The following CRACR2A variants were observed in gnomAD, a reference collection of about 807,000 sequenced individuals.
CRACR2A encodes calcium release activated channel regulator 2A, also known as EF-hand calcium-binding domain-containing protein 4B.
In CRACR2A, 79 loss-of-function variants were observed where a neutral mutation model predicts 90.5. The observed-to-expected ratio is 0.87, with a 90% CI of 0.73 to 1.05. The LOEUF (loss-of-function observed/expected upper bound fraction) is 1.05. Ranked by LOEUF, CRACR2A falls within the 50% of genes least tolerant of loss-of-function variation. The pLI is 0.00. For synonymous variants in CRACR2A, 338 were observed against 356.7 expected (o/e 0.95, Z 0.59); for missense variants, 823 against 897.2 (o/e 0.92, Z 1.06).
At chr12:3,681,030 C>T (rs1008611988) in intron 4 of CRACR2A, among the ~76,000 whole-genome samples, 1 of 152,218 alleles carries the variant, frequency 6.6e-6, no homozygotes, top group African/African-American at 2.4e-5. Flanking sequence ...CCCTAAGCCC[C>T]CTTTCCTCTC....
At chr12:3,666,346 TGTGTGTGTGCGTGC>T (rs1291801396) in intron 7 of CRACR2A, among the ~76,000 whole-genome samples, 49 of 138,404 alleles carry the variant, frequency 3.5e-4, no homozygotes, top group Middle Eastern at 4.1e-3. Context: ...TGTGTGTGTG[TGTGTGTGTGCGTGC>T]GTGTGCGCGT....
At position 3,662,914 on chromosome 12, in the gene CRACR2A, G is replaced by A. The variant is rs139916194; in HGVS notation, c.672-3260C>T. ...ATGTTTGCTTATCATATACATCCTC[G>A]TTGCCACAATTTCTAAAACCACTTC... On this transcript the variant is annotated intron_variant, in intron 7 of 19. Transcript: ENST00000440314. Among the ~76,000 whole-genome samples the A allele has an allele frequency of 7.1e-3, 1,086 of 152,296 alleles. 7 individuals are homozygous for A. The highest frequency in any genetic ancestry group is 0.017 in the South Asian group (81 of 4,826).
chr12:3,750,354 A>G (rs1204008485), intron 1 of CRACR2A, among the ~76,000 whole-genome samples: 1 of 152,120 alleles, frequency 6.6e-6, no homozygotes, highest in Non-Finnish European at 1.5e-5. Flanking sequence ...TCTGCCACTC[A>G]CTAACAGCTG....
intron 7 of CRACR2A, among the ~76,000 whole-genome samples, chr12:3,661,665 G>C (rs2137512350): frequency 6.6e-6 from 1 of 152,286 alleles, no homozygotes; most frequent in East Asian, 1.9e-4. Context: ...ACAGTTTGAA[G>C]GAACTTTCAG....
chr12:3,626,265 G>T (rs1944257712), intron 17 of CRACR2A, among the ~76,000 whole-genome samples: 1 of 152,210 alleles, frequency 6.6e-6, no homozygotes, highest in Non-Finnish European at 1.5e-5. Flanking sequence ...ATGGATCTTA[G>T]GGCCAAAAGG....
At chr12:3,696,713 C>G in intron 4 of CRACR2A, 59 bp downstream of exon 4, 1 of 1,609,546 alleles carries the variant, frequency 6.2e-7, no homozygotes, top group African/African-American at 1.3e-5. Flanking sequence ...AAGCTCTAAC[C>G]CAAGACAGGA....
Position 3,746,430 on chromosome 12 carries a change from T to A in CRACR2A, c.-387+6585A>T, listed in dbSNP as rs1946627739. ...TTCCTCCACCCTCCCTCTCCCTTCT[T>A]CCTCTCCCATTCTCTCCCTCTCTGT... On this transcript the variant is annotated intron_variant, in intron 1 of 19. Coordinates refer to ENST00000440314, the MANE Select transcript of CRACR2A (RefSeq NM_001144958.2). This position sits in a 1 kb window ranked among gnomAD's most constrained non-coding sequence, Gnocchi z 4.4. 6.6e-6 allele frequency among the ~76,000 whole-genome samples: 1 copy of A among 151,172 alleles called. No individual in the cohort carries two copies. The highest frequency in any genetic ancestry group is 6.6e-5 in the Admixed American group (1 of 15,184).
At chr12:3,675,780 A>C (rs1259760545) in intron 6 of CRACR2A, among the ~76,000 whole-genome samples, 7 of 152,206 alleles carry the variant, frequency 4.6e-5, no homozygotes, top group Admixed American at 3.9e-4. Flanking sequence ...AAATTCCAGA[A>C]ACAGAAGATC....
intron 1 of CRACR2A, among the ~76,000 whole-genome samples, chr12:3,748,852 T>C (rs1043132726): frequency 1.3e-5 from 2 of 152,188 alleles, no homozygotes; most frequent in African/African-American, 4.8e-5. Context: ...GTCATCCGGA[T>C]GACGTCATGC....
chr12:3,640,178 C>G (rs1321130910), intron 13 of CRACR2A, among the ~76,000 whole-genome samples: 2 of 152,254 alleles, frequency 1.3e-5, no homozygotes, highest in Admixed American at 1.3e-4. Flanking sequence ...GTTTTACCAC[C>G]AAGTGCTCTC....
intron 1 of CRACR2A, among the ~76,000 whole-genome samples, chr12:3,734,002 G>A (rs374117351): frequency 2.9e-4 from 32 of 110,256 alleles, no homozygotes; most frequent in African/African-American, 9.8e-4. Context: ...ATGGAGTCTC[G>A]CTCTGTCGCC....
intron 12 of CRACR2A, 118 bp downstream of exon 12, chr12:3,644,477 T>C: frequency 9.2e-7 from 1 of 1,089,358 alleles, no homozygotes; most frequent in East Asian, 2.6e-5. Context: ...CATGCCGTCA[T>C]CCTGCCAAAT....
At chr12:3,643,917 T>TTA (rs1359937368) in intron 12 of CRACR2A, among the ~76,000 whole-genome samples, 178 of 110,908 alleles carry the variant, frequency 1.6e-3, no homozygotes, top group South Asian at 0.01. Context: ...TATATTTATA[T>TTA]TATATATATA....
intron 10 of CRACR2A, among the ~76,000 whole-genome samples, chr12:3,651,081 A>C (rs770823719): frequency 7.9e-5 from 12 of 152,252 alleles, no homozygotes; most frequent in Non-Finnish European, 1.5e-4. Flanking sequence ...TGAAAGGGAA[A>C]GAACCTGCGT....
Position 3,638,322 on chromosome 12 carries a change from G to A in CRACR2A, c.1404C>T (p.Leu468=). 6.4e-7 allele frequency: 1 copy of A among 1,551,232 alleles called. No homozygotes were observed. The highest frequency in any genetic ancestry group is 8.7e-7 in the Non-Finnish European group (1 of 1,146,600). Residue 468 remains leucine (L), a synonymous_variant, in exon 14 of 20, where the codon CTC becomes CTT. Transcript: ENST00000440314. ...CTTCTTCAACGGAGATGATTCTGCG[G>A]AGCGGCCGGGGGTACGGACCCCCAG... ...PGPGGPYPRP[L]RRIISVEEDP...
chr12:3,717,112 G>A (rs1292853673), intron 2 of CRACR2A, among the ~76,000 whole-genome samples: 1 of 152,114 alleles, frequency 6.6e-6, no homozygotes, highest in Non-Finnish European at 1.5e-5. Flanking sequence ...GGCTTAGAGA[G>A]TGAATAGGGT....
At position 3,711,177 on chromosome 12, in the gene CRACR2A, T is replaced by C. The variant is rs1355954383; in HGVS notation, c.-37+2060A>G. 6.6e-6 allele frequency among the ~76,000 whole-genome samples: 1 copy of C among 152,214 alleles called. No homozygotes were observed. Among genetic ancestry groups the C allele is most frequent in the African/African-American group, 2.4e-5 (1 of 41,448 alleles). ...AAATTCCTCACCAGCTGTGAACCTG[T>C]GAAATCAAACAAGTTAGGTGCTTCC... On this transcript the variant is annotated intron_variant, in intron 3 of 19. Transcript: ENST00000440314. The surrounding 1 kb of genome is among the most constrained non-coding windows in gnomAD (Gnocchi z 4.3).
At chr12:3,715,555 A>G (rs985008029) in intron 2 of CRACR2A, among the ~76,000 whole-genome samples, 4 of 152,236 alleles carry the variant, frequency 2.6e-5, no homozygotes, top group Non-Finnish European at 5.9e-5. Flanking sequence ...TACCAACCAG[A>G]TAGGTCATCA....
intron 3 of CRACR2A, among the ~76,000 whole-genome samples, chr12:3,710,563 G>C (rs1021216292): frequency 6.6e-6 from 1 of 152,068 alleles, no homozygotes; most frequent in Non-Finnish European, 1.5e-5. Flanking sequence ...GGGAGACCAA[G>C]GTGGGTGGAT....
Sources: gnomAD v4.1 joint callset for allele counts (sites outside exome capture counted in the v4.1 genomes callset) on GRCh38, gnomAD v4.1.1 for gene constraint, Gnocchi (gnomAD v3.1) non-coding constraint, MANE v1.5 for transcripts, NCBI Gene and HGNC (gene_info 2026-07-23, HGNC 2026-07-21) for gene names.